Variants in ADAMTS20 observed in about 807,000 individuals in gnomAD.
ADAMTS20 encodes the protein A disintegrin and metalloproteinase with thrombospondin motifs 20.
ADAMTS20 carries 225 observed loss-of-function variants against 260.1 expected under a neutral mutation model. The ratio of observed to expected loss-of-function variants is 0.87; its 90% CI spans 0.78 to 0.97. The LOEUF is 0.97. Ranked by LOEUF, ADAMTS20 falls within the 50% of genes least tolerant of loss-of-function variation. The pLI is 0.00. For synonymous variants in ADAMTS20, 802 were observed against 769.5 expected (o/e 1.04, Z -0.70); for missense variants, 2,400 against 2,337.7 (o/e 1.03, Z -0.55).
At chr12:43,514,185 C>T (rs1942964962) in intron 3 of ADAMTS20, among the ~76,000 whole-genome samples, 1 of 150,858 alleles carries the variant, frequency 6.6e-6, no homozygotes. Flanking sequence ...ATCCTGGGCT[C>T]AAGCAATCTT....
chr12:43,496,429 C>T (rs1314627560), intron 4 of ADAMTS20, among the ~76,000 whole-genome samples: 1 of 152,182 alleles, frequency 6.6e-6, no homozygotes, highest in Non-Finnish European at 1.5e-5. Context: ...GCATTCTGAA[C>T]CAATTAGTTC....
intron 7 of ADAMTS20, among the ~76,000 whole-genome samples, chr12:43,474,050 GC>G (rs1328043152): frequency 2.2e-4 from 33 of 151,936 alleles, no homozygotes; most frequent in Non-Finnish European, 3.8e-4. Flanking sequence ...AATCCAGGAA[GC>G]TGGTTTTTTG....
intron 28 of ADAMTS20, among the ~76,000 whole-genome samples, chr12:43,405,984 G>T (rs1940912413): frequency 6.6e-6 from 1 of 152,104 alleles, no homozygotes; most frequent in South Asian, 2.1e-4. Context: ...CATGCTGAGG[G>T]TTCATGCAAC....
At chr12:43,488,952 G>A (rs1276550382) in intron 7 of ADAMTS20, among the ~76,000 whole-genome samples, 3 of 152,006 alleles carry the variant, frequency 2.0e-5, no homozygotes, top group African/African-American at 7.2e-5. Flanking sequence ...TCAGAGTTAA[G>A]TACCAGTACA....
intron 29 of ADAMTS20, among the ~76,000 whole-genome samples, chr12:43,388,115 A>T (rs1359893762): frequency 1.3e-5 from 2 of 152,008 alleles, no homozygotes; most frequent in Non-Finnish European, 2.9e-5. Context: ...CTACCCAAAC[A>T]GCCACCCAGT....
chr12:43,431,237 C>T, intron 22 of ADAMTS20, 95 bp downstream of exon 22: 1 of 1,309,276 alleles, frequency 7.6e-7, no homozygotes, highest in Non-Finnish European at 1.0e-6. Context: ...AGCCAAATTC[C>T]ATTGCATCCA....
chr12:43,389,043 C>T (rs1940543602), intron 29 of ADAMTS20, among the ~76,000 whole-genome samples: 1 of 152,204 alleles, frequency 6.6e-6, no homozygotes. Flanking sequence ...AAGAACACAA[C>T]CATTCAGATC....
In ADAMTS20 at chr12:43,466,846, A is replaced by G. The variant is rs543373796; in HGVS notation, c.1224-51T>C. The stretch of plus-strand genomic sequence containing the variant: ...AGGAATATCAAAAGATGCTTACGAT[A>G]TTAGTAATAGATCCTTTATAGTCAC... On this transcript the variant is annotated intron_variant, in intron 8 of 38. Coordinates refer to ENST00000389420, the MANE Select transcript of ADAMTS20 (RefSeq NM_025003.5). 465 of 1,331,836 alleles carry G rather than the reference A, an allele frequency of 3.5e-4. 6 individuals are homozygous for G. The South Asian group carries it at 5.8e-3, about 17-fold the overall frequency. 82.5% of individuals were successfully genotyped at this position (1,331,836 alleles called of 1,614,324 possible).
At chr12:43,451,862 AC>A (rs1480210253) in intron 14 of ADAMTS20, among the ~76,000 whole-genome samples, 31 of 152,120 alleles carry the variant, frequency 2.0e-4, no homozygotes, top group Middle Eastern at 3.2e-3. Flanking sequence ...AAAATAAGTG[AC>A]AGAGAGCTGG....
At chr12:43,406,957 CAT>C (rs1331008926) in intron 28 of ADAMTS20, among the ~76,000 whole-genome samples, 1 of 152,012 alleles carries the variant, frequency 6.6e-6, no homozygotes, top group Non-Finnish European at 1.5e-5. Flanking sequence ...ATTCAATACA[CAT>C]GTGCTCTAAG....
At chr12:43,459,976 A>G (rs1283291683) in intron 11 of ADAMTS20, among the ~76,000 whole-genome samples, 1 of 152,218 alleles carries the variant, frequency 6.6e-6, no homozygotes, top group Non-Finnish European at 1.5e-5. Context: ...TTGATTTACT[A>G]CCAAAAGTGT....
chr12:43,532,017 G>A lies in ADAMTS20; in HGVS notation c.613+19C>T. On this transcript the variant is annotated intron_variant, in intron 3 of 38. Coordinates refer to ENST00000389420, the MANE Select transcript of ADAMTS20 (RefSeq NM_025003.5). ...TAGTATCACTATTTAGCTGAAAAGAGTTCTATTTCACAGTTTACCTGACAC... is the reference window on the plus strand; with the variant it reads ...TAGTATCACTATTTAGCTGAAAAGAATTCTATTTCACAGTTTACCTGACAC... 6.8e-7 allele frequency: 1 copy of A among 1,462,966 alleles called. No homozygotes were observed. The highest frequency in any genetic ancestry group is 9.1e-7 in the Non-Finnish European group (1 of 1,099,856). The allele number at this position is 1,462,966 out of a possible 1,614,324, so 90.6% of individuals were successfully genotyped here. A position where few individuals can be genotyped will look rare whatever the true frequency, so the allele number is the denominator to read the frequency against.
rs1943209681 is a variant in ADAMTS20, at chr12:43,530,729, G to C, written c.613+1307C>G. ...TGCATGTCATTCTATGAATCATGAA[G>C]ATACATGTACCTTATATGGACACAA... On this transcript the variant is annotated intron_variant, in intron 3 of 38. Coordinates refer to ENST00000389420, the MANE Select transcript of ADAMTS20 (RefSeq NM_025003.5). 2.0e-5 allele frequency among the ~76,000 whole-genome samples: 3 copies of C among 152,010 alleles called. No individual in the cohort carries two copies. The South Asian group carries it at 6.2e-4, about 32-fold the overall frequency.
rs1199625326 is a variant in ADAMTS20, at chr12:43,383,594, A to C, written c.4761T>G (p.Pro1587=). 1 of 1,613,270 alleles carries C rather than the reference A, an allele frequency of 6.2e-7. No individual in the cohort carries two copies. Among genetic ancestry groups the C allele is most frequent in the African/African-American group, 1.3e-5 (1 of 74,900 alleles). The change falls in exon 31 of 39, where the codon CCT becomes CCG. Residue 1587 remains proline (P), a synonymous_variant. Coordinates refer to ENST00000389420, the MANE Select transcript of ADAMTS20 (RefSeq NM_025003.5). The part of the protein sequence containing the change: ...SLTSKNCRNP[P]CNYIVVTADS... The stretch of plus-strand genomic sequence containing the variant: ...CTGCTGTTACCACAATGTAATTGCA[A>C]GGAGGGTTCCTGCAATTCTTGGATG...
intron 28 of ADAMTS20, among the ~76,000 whole-genome samples, chr12:43,415,614 A>T (rs770767136): frequency 6.6e-6 from 1 of 152,134 alleles, no homozygotes; most frequent in Non-Finnish European, 1.5e-5. Flanking sequence ...TACCCTCCTT[A>T]GTGAGCTACT....
intron 2 of ADAMTS20, among the ~76,000 whole-genome samples, chr12:43,548,391 A>G (rs1943468710): frequency 6.6e-6 from 1 of 152,172 alleles, no homozygotes; most frequent in Non-Finnish European, 1.5e-5. Flanking sequence ...CAAGCTTTGT[A>G]TCAACATTGA....
In ADAMTS20 at chr12:43,354,162, T is replaced by G. The variant is rs776364601; in HGVS notation, c.*47A>C. ...AAATGAGCACCAGTTATTTGAATATTCCAGAGAATATCCCCTCTTTAGGGC... is the reference window on the plus strand; with the variant it reads ...AAATGAGCACCAGTTATTTGAATATGCCAGAGAATATCCCCTCTTTAGGGC... On this transcript the variant is annotated 3_prime_UTR_variant, in exon 39 of 39. Coordinates refer to ENST00000389420, the MANE Select transcript of ADAMTS20 (RefSeq NM_025003.5). 3.7e-6 allele frequency: 5 copies of G among 1,362,496 alleles called. No individual in the cohort carries two copies. The East Asian group carries it at 1.3e-4, about 34-fold the overall frequency. 84.4% of individuals were successfully genotyped at this position (1,362,496 alleles called of 1,614,324 possible).
At chr12:43,403,638 T>TA (rs982517312) in intron 28 of ADAMTS20, among the ~76,000 whole-genome samples, 5 of 152,078 alleles carry the variant, frequency 3.3e-5, no homozygotes, top group African/African-American at 1.2e-4. Context: ...CATTTTTTTT[T>TA]AAAGAGAGAA....
Position 43,430,438 on chromosome 12 carries a change from G to T in ADAMTS20, c.3295C>A (p.Arg1099=), listed in dbSNP as rs757261794. 1.2e-6 allele frequency: 2 copies of T among 1,612,150 alleles called. No individual in the cohort carries two copies. Among genetic ancestry groups the T allele is most frequent in the Non-Finnish European group, 1.7e-6 (2 of 1,179,052 alleles). ...AGCTCATTGACACATTTAACATCTC[G>T]CATCTGATACCCATGTCCACATGTG... ...TTTCGHGYQM[R]DVKCVNELAS... The change falls in exon 23 of 39, where the codon CGA becomes AGA. Residue 1099 remains arginine (R), a synonymous_variant. Transcript: ENST00000389420.
Sources: allele counts gnomAD v4.1 joint callset (sites outside exome capture counted in the v4.1 genomes callset), GRCh38; gene constraint gnomAD v4.1.1; transcripts MANE v1.5; gene names NCBI Gene and HGNC (gene_info 2026-07-23, HGNC 2026-07-21).